SLC44A5: variants seen among roughly 807,000 people sequenced by gnomAD.
The protein encoded by SLC44A5 is choline transporter-like protein 5.
Under a neutral mutation model 101.8 loss-of-function variants are expected in SLC44A5, and 57 were observed. That is an observed-to-expected ratio of 0.56 (90% CI 0.45 to 0.70). SLC44A5 has a LOEUF of 0.70. Among genes scored for constraint, SLC44A5 ranks in the 30% least tolerant of loss-of-function variants. The pLI is 0.00. For missense variants in SLC44A5, 737 were observed against 853.1 expected (o/e 0.86, Z 1.70); for synonymous variants, 281 against 290.9 (o/e 0.97, Z 0.35).
intron 1 of SLC44A5, among the ~76,000 whole-genome samples, chr1:75,584,588 A>C (rs1268061387): frequency 6.6e-6 from 1 of 151,208 alleles, no homozygotes; most frequent in East Asian, 1.9e-4. Flanking sequence ...TTTTTTTGGG[A>C]TTTTTGTTTG....
At chr1:75,477,293 A>C (rs1193070977) in intron 2 of SLC44A5, among the ~76,000 whole-genome samples, 3 of 152,182 alleles carry the variant, frequency 2.0e-5, no homozygotes, top group African/African-American at 7.2e-5. Flanking sequence ...ATAAAACCAC[A>C]AAGACGGGGG....
intron 7 of SLC44A5, among the ~76,000 whole-genome samples, chr1:75,246,298 A>T (rs1384413530): frequency 1.3e-5 from 2 of 152,132 alleles, no homozygotes; most frequent in Non-Finnish European, 2.9e-5. Context: ...AAAAAAGCAT[A>T]ATATGCAAGT....
chr1:75,654,488 G>A, the SLC44A5 span, among the ~76,000 whole-genome samples: 2 of 152,086 alleles, frequency 1.3e-5, no homozygotes, highest in Non-Finnish European at 2.9e-5. Flanking sequence ...TGGAGGCTGG[G>A]TACAATAGAA....
At chr1:75,205,225 TA>T in intron 23 of SLC44A5, 1 of 152,320 alleles carries the variant, frequency 6.6e-6, no homozygotes, top group Admixed American at 6.5e-5. Flanking sequence ...CACTTGAAGA[TA>T]ATTAATACGT....
the SLC44A5 span, among the ~76,000 whole-genome samples, chr1:75,649,157 A>ATT: frequency 5.3e-5 from 8 of 152,170 alleles, no homozygotes; most frequent in Non-Finnish European, 1.2e-4. Flanking sequence ...TTGATTAACG[A>ATT]CACAAAGGGA....
At chr1:75,631,661 C>T in the SLC44A5 span, among the ~76,000 whole-genome samples, 2 of 151,560 alleles carry the variant, frequency 1.3e-5, no homozygotes, top group South Asian at 2.1e-4. Flanking sequence ...CTCAGCCTCC[C>T]GAGTAGCTGG....
the SLC44A5 span, among the ~76,000 whole-genome samples, chr1:75,643,092 G>C: frequency 1.3e-5 from 2 of 151,942 alleles, no homozygotes; most frequent in African/African-American, 2.4e-5. Context: ...TCCATTAACT[G>C]TTAAAAATTA....
At chr1:75,208,723 T>C (rs2100436541) in intron 23 of SLC44A5, among the ~76,000 whole-genome samples, 1 of 152,328 alleles carries the variant, frequency 6.6e-6, no homozygotes, top group East Asian at 1.9e-4. Context: ...TACTGCTGTA[T>C]ATAACATATC....
chr1:75,323,511 C>T (rs1034239379), intron 4 of SLC44A5, among the ~76,000 whole-genome samples: 4 of 152,270 alleles, frequency 2.6e-5, no homozygotes, highest in South Asian at 2.1e-4. Flanking sequence ...CCTGAGGAAT[C>T]GCCACACTGA....
the SLC44A5 span, among the ~76,000 whole-genome samples, chr1:75,664,003 A>G: frequency 6.6e-6 from 1 of 152,220 alleles, no homozygotes; most frequent in Non-Finnish European, 1.5e-5. Context: ...TCGGTTCAAC[A>G]TACACAAATC....
intron 2 of SLC44A5, among the ~76,000 whole-genome samples, chr1:75,508,201 C>T (rs1669377418): frequency 6.6e-6 from 1 of 151,970 alleles, no homozygotes; most frequent in Non-Finnish European, 1.5e-5. Context: ...GAAATCAATA[C>T]CAAAATACTA....
intron 3 of SLC44A5, among the ~76,000 whole-genome samples, chr1:75,372,708 G>A (rs1232383413): frequency 6.6e-6 from 1 of 152,130 alleles, no homozygotes; most frequent in Non-Finnish European, 1.5e-5. Flanking sequence ...ACTTTTCATG[G>A]TAATGTTTAC....
the SLC44A5 span, among the ~76,000 whole-genome samples, chr1:75,685,439 C>T: frequency 6.6e-6 from 1 of 152,130 alleles, no homozygotes; most frequent in Non-Finnish European, 1.5e-5. Flanking sequence ...TGCTCTGCTT[C>T]CCTTTTAAAT....
chr1:75,683,228 C>A, the SLC44A5 span, among the ~76,000 whole-genome samples: 1 of 151,672 alleles, frequency 6.6e-6, no homozygotes, highest in Non-Finnish European at 1.5e-5. Flanking sequence ...ACTAGAAATA[C>A]CATTTGACCC....
chr1:75,603,963 T>C (rs1029097269), intron 1 of SLC44A5, among the ~76,000 whole-genome samples: 1 of 152,024 alleles, frequency 6.6e-6, no homozygotes, highest in African/African-American at 2.4e-5. Context: ...ACTCTGTAGG[T>C]TGTCTGTTTA....
At chr1:75,700,494 C>T in the SLC44A5 span, among the ~76,000 whole-genome samples, 1 of 152,144 alleles carries the variant, frequency 6.6e-6, no homozygotes, top group Non-Finnish European at 1.5e-5. Flanking sequence ...ATCTCTGGGA[C>T]ACATTGAAAG....
the SLC44A5 span, among the ~76,000 whole-genome samples, chr1:75,719,109 T>C: frequency 2.2e-4 from 33 of 152,256 alleles, no homozygotes; most frequent in East Asian, 3.9e-4. Flanking sequence ...AAAAAGCCCA[T>C]GGAAAGACTG....
At chr1:75,320,811 C>A (rs1466348652) in intron 4 of SLC44A5, among the ~76,000 whole-genome samples, 2 of 152,092 alleles carry the variant, frequency 1.3e-5, no homozygotes. Flanking sequence ...AATTACCAAG[C>A]AAGCTTTTCA....
chr1:75,567,561 G>C (rs1672853904), intron 1 of SLC44A5, among the ~76,000 whole-genome samples: 1 of 152,118 alleles, frequency 6.6e-6, no homozygotes, highest in Non-Finnish European at 1.5e-5. Context: ...ACAAAAGAAA[G>C]GAAATGGACC....
Sources: allele counts gnomAD v4.1 joint callset (sites outside exome capture counted in the v4.1 genomes callset), GRCh38; gene constraint gnomAD v4.1.1; transcripts MANE v1.5; gene names NCBI Gene and HGNC (gene_info 2026-07-23, HGNC 2026-07-21).